Variants in MAST4 observed in about 807,000 individuals in gnomAD.
MAST4 encodes the protein microtubule associated serine/threonine kinase family member 4.
MAST4 carries 89 observed loss-of-function variants against 162.7 expected under a neutral mutation model. The ratio of observed to expected loss-of-function variants is 0.55; its 90% CI spans 0.46 to 0.65. MAST4 has a LOEUF of 0.65. Among genes scored for constraint, MAST4 ranks in the 30% least tolerant of loss-of-function variants. The probability of loss-of-function intolerance (pLI) is 0.00; values close to 1 mark genes in which losing one functional copy is unlikely to be tolerated. For synonymous variants in MAST4, 1,479 were observed against 1,361.1 expected (o/e 1.09, Z -1.91); for missense variants, 3,153 against 3,374.0 (o/e 0.93, Z 1.62).
At chr5:66,895,794 C>T (rs1401891729) in intron 3 of MAST4, among the ~76,000 whole-genome samples, 1 of 152,176 alleles carries the variant, frequency 6.6e-6, no homozygotes, top group Non-Finnish European at 1.5e-5. Flanking sequence ...TTCAGCCCCA[C>T]ATCAGTCTTC....
intron 4 of MAST4, among the ~76,000 whole-genome samples, chr5:67,032,847 C>T (rs1264372367): frequency 3.3e-5 from 5 of 151,968 alleles, no homozygotes; most frequent in Admixed American, 6.6e-5. Context: ...ATAGTAACTA[C>T]AAATAACATC....
chr5:66,718,780 C>G (rs1156990027), intron 1 of MAST4, among the ~76,000 whole-genome samples: 1 of 152,126 alleles, frequency 6.6e-6, no homozygotes, highest in Non-Finnish European at 1.5e-5. Flanking sequence ...ATCATGCATT[C>G]GAGGGCTTGT....
Position 66,802,262 on chromosome 5 carries a change from G to A in MAST4, c.642+13468G>A, listed in dbSNP as rs1349774910. ...TGTATTTCATTTTTATTTAAAGCAT[G>A]ATTCTCTCTGTATTCATGGAAGCTG... On this transcript the variant is annotated intron_variant, in intron 3 of 28. Transcript: ENST00000403625. 4.6e-5 allele frequency among the ~76,000 whole-genome samples: 7 copies of A among 152,096 alleles called. No individual in the cohort carries two copies. The East Asian group carries it at 1.4e-3, about 29-fold the overall frequency.
At chr5:66,824,196 C>T (rs891558677) in intron 3 of MAST4, among the ~76,000 whole-genome samples, 7 of 152,168 alleles carry the variant, frequency 4.6e-5, no homozygotes, top group South Asian at 2.1e-4. Context: ...GTAGTGATCA[C>T]GGTCACACTT....
At chr5:66,841,535 G>A (rs908890945) in intron 3 of MAST4, among the ~76,000 whole-genome samples, 1 of 152,164 alleles carries the variant, frequency 6.6e-6, no homozygotes, top group South Asian at 2.1e-4. Flanking sequence ...GGTTTCTGGG[G>A]AGGGCTCTCT....
intron 4 of MAST4, among the ~76,000 whole-genome samples, chr5:66,964,655 G>C (rs1746459384): frequency 6.6e-6 from 1 of 152,158 alleles, no homozygotes; most frequent in Non-Finnish European, 1.5e-5. Context: ...CAAAAAATTA[G>C]CCGGGCGTGG....
intron 4 of MAST4, among the ~76,000 whole-genome samples, chr5:66,960,980 G>A (rs1745943275): frequency 6.6e-6 from 1 of 152,080 alleles, no homozygotes; most frequent in Non-Finnish European, 1.5e-5. Context: ...CTCTTATCTT[G>A]GTAAATATTA....
rs1250403159 is a variant in MAST4, at chr5:67,121,617, GAGA to G, written c.1745+520_1745+522del. On this transcript the variant is annotated intron_variant, in intron 14 of 28. Transcript: ENST00000403625. ...GTTTGTCTTCCCTGGGCCACACTGG[GAGA>G]AGAACTGTCTCGGGCCACACATAAA... Among the ~76,000 whole-genome samples the G allele has an allele frequency of 2.0e-5, 3 of 151,322 alleles. No homozygotes were observed. In the South Asian group the frequency reaches 6.2e-4, roughly 31 times the overall value.
rs1437818368 is a variant in MAST4, at chr5:67,165,791, G to A, written c.6612G>A (p.Lys2204=). 3 of 1,608,896 alleles carry A rather than the reference G, an allele frequency of 1.9e-6. No individual in the cohort carries two copies. In the South Asian group the frequency reaches 3.3e-5, roughly 18 times the overall value. ...CTGGCCCTGACCCGGGCCCTCCAAA[G>A]ACTAAGCACCCCGACCGGTCCCTCT... is the stretch of plus-strand genomic sequence containing the variant. ...PRPGPDPGPP[K]TKHPDRSLSS... Residue 2204 remains lysine (K), a synonymous_variant, in exon 29 of 29, where the codon AAG becomes AAA. Transcript: ENST00000403625.
intron 3 of MAST4, among the ~76,000 whole-genome samples, chr5:66,838,985 G>T (rs907217218): frequency 6.6e-6 from 1 of 152,118 alleles, no homozygotes; most frequent in Non-Finnish European, 1.5e-5. Flanking sequence ...CTTAGGAAGA[G>T]GCCAAGAAAA....
At chr5:67,038,207 T>C (rs1756272935) in intron 4 of MAST4, among the ~76,000 whole-genome samples, 1 of 151,346 alleles carries the variant, frequency 6.6e-6, no homozygotes, top group African/African-American at 2.4e-5. Flanking sequence ...TGATTTTATA[T>C]GCTGCTTTAT....
intron 1 of MAST4, among the ~76,000 whole-genome samples, chr5:66,622,507 AG>A (rs1744143336): frequency 6.6e-6 from 1 of 151,560 alleles, no homozygotes; most frequent in African/African-American, 2.4e-5. Flanking sequence ...AATTTTTAAC[AG>A]GCTCACTGGC....
intron 3 of MAST4, among the ~76,000 whole-genome samples, chr5:66,896,724 TAC>T (rs1486524185): frequency 6.6e-6 from 1 of 152,210 alleles, no homozygotes; most frequent in East Asian, 1.9e-4. Flanking sequence ...TGTAAAACAT[TAC>T]AGTTTTCTCC....
At chr5:67,117,602 A>T (rs1207851909) in intron 12 of MAST4, among the ~76,000 whole-genome samples, 2 of 151,896 alleles carry the variant, frequency 1.3e-5, no homozygotes, top group African/African-American at 2.4e-5. Flanking sequence ...ATGTAACTAA[A>T]AACTATGACT....
chr5:66,950,108 C>T (rs1744494707), intron 4 of MAST4, among the ~76,000 whole-genome samples: 1 of 152,068 alleles, frequency 6.6e-6, no homozygotes, highest in Admixed American at 6.6e-5. Context: ...CCTCACCCCA[C>T]CCTACCCCAT....
intron 11 of MAST4, among the ~76,000 whole-genome samples, chr5:67,113,523 T>C (rs1343376804): frequency 6.6e-6 from 1 of 152,176 alleles, no homozygotes; most frequent in Non-Finnish European, 1.5e-5. Flanking sequence ...TATTTTTCTT[T>C]CTTGTTCTTT....
chr5:66,921,074 C>CTA (rs1441541869), intron 4 of MAST4, among the ~76,000 whole-genome samples: 4 of 151,978 alleles, frequency 2.6e-5, no homozygotes, highest in African/African-American at 4.8e-5. Context: ...TTGGGATGCA[C>CTA]TAGAATAATA....
intron 1 of MAST4, among the ~76,000 whole-genome samples, chr5:66,642,292 C>G (rs1745538327): frequency 6.6e-6 from 1 of 152,124 alleles, no homozygotes; most frequent in African/African-American, 2.4e-5. Context: ...GTGCATAGGA[C>G]AAATTATAGA....
At chr5:67,004,741 G>T in intron 4 of MAST4, 1 of 454,592 alleles carries the variant, frequency 2.2e-6, no homozygotes. Flanking sequence ...GGGCAGACCC[G>T]AGAGGAAATC....
Sources: gnomAD v4.1 joint callset for allele counts (sites outside exome capture counted in the v4.1 genomes callset) on GRCh38, gnomAD v4.1.1 for gene constraint, MANE v1.5 for transcripts, NCBI Gene and HGNC (gene_info 2026-07-23, HGNC 2026-07-21) for gene names.